Variants in AJAP1 observed in about 807,000 individuals in gnomAD.
The protein encoded by AJAP1 is adherens junction-associated protein 1.
AJAP1 carries 5 observed loss-of-function variants against 35.0 expected under a neutral mutation model. The observed-to-expected ratio is 0.14, with a 90% CI of 0.07 to 0.30. The LOEUF is 0.30. AJAP1 is among the 10% of genes least tolerant of loss of function. The pLI is 1.00. For synonymous variants in AJAP1, 284 were observed against 249.3 expected (o/e 1.14, Z -1.31); for missense variants, 586 against 571.0 (o/e 1.03, Z -0.27).
intron 1 of AJAP1, among the ~76,000 whole-genome samples, chr1:4,691,313 C>G (rs1639733233): frequency 6.6e-6 from 1 of 152,214 alleles, no homozygotes; most frequent in Non-Finnish European, 1.5e-5. Context: ...TTGGCTGGAG[C>G]TGGGCAGCCA....
chr1:4,721,859 G>A (rs1451655415), intron 2 of AJAP1, among the ~76,000 whole-genome samples: 1 of 152,212 alleles, frequency 6.6e-6, no homozygotes, highest in Non-Finnish European at 1.5e-5. Flanking sequence ...TTGATATAGT[G>A]TCCTAACTGT....
At chr1:4,701,462 C>G (rs1557615294) in intron 1 of AJAP1, among the ~76,000 whole-genome samples, 1 of 152,174 alleles carries the variant, frequency 6.6e-6, no homozygotes, top group African/African-American at 2.4e-5. Flanking sequence ...GCATGGCCTG[C>G]AAGCCTCTTT....
intron 2 of AJAP1, among the ~76,000 whole-genome samples, chr1:4,715,141 A>G (rs1476736552): frequency 6.6e-6 from 1 of 152,198 alleles, no homozygotes; most frequent in African/African-American, 2.4e-5. Flanking sequence ...CAGTCATCAG[A>G]TGCAGACCTG....
At chr1:4,676,470 G>T (rs1639365917) in intron 1 of AJAP1, among the ~76,000 whole-genome samples, 5 of 152,086 alleles carry the variant, frequency 3.3e-5, no homozygotes, top group Admixed American at 3.3e-4. Flanking sequence ...TCGTCCTGGG[G>T]GCCTGAAGCC....
intron 2 of AJAP1, among the ~76,000 whole-genome samples, chr1:4,765,858 G>A (rs1486671525): frequency 6.6e-6 from 1 of 152,148 alleles, no homozygotes; most frequent in Non-Finnish European, 1.5e-5. Context: ...GCAGGGTGAG[G>A]CCACTGCTGC....
At chr1:4,664,469 A>T (rs1639072383) in intron 1 of AJAP1, among the ~76,000 whole-genome samples, 1 of 152,176 alleles carries the variant, frequency 6.6e-6, no homozygotes, top group African/African-American at 2.4e-5. Flanking sequence ...GCCAGGTGAC[A>T]GCAGCAGCCT....
rs780915813 is a variant in AJAP1, at chr1:4,772,360, C to G, written c.998C>G (p.Thr333Arg). The G allele has an allele frequency of 6.2e-7, 1 of 1,614,228 alleles. No individual in the cohort carries two copies. Among genetic ancestry groups the G allele is most frequent in the Admixed American group, 1.7e-5 (1 of 60,034 alleles). ...NQQEESCQNL[T>R]DFPSARVPSS... ...CAGGAGGAGAGCTGCCAGAACCTCA[C>G]GGACTTCCCCTCGGCCCGGGTGCCC... The change falls in exon 4 of 6, where the codon ACG becomes AGG. Residue 333 changes from threonine (T) to arginine (R), a missense_variant. By Grantham distance (71) the Thr-to-Arg change is moderately conservative. Coordinates refer to ENST00000378191, the MANE Select transcript of AJAP1 (RefSeq NM_018836.4).
intron 1 of AJAP1, among the ~76,000 whole-genome samples, chr1:4,682,838 ATGG>A (rs1639514251): frequency 1.5e-5 from 2 of 137,586 alleles, no homozygotes; most frequent in South Asian, 4.4e-4. Flanking sequence ...GGTGTTGGTG[ATGG>A]TGATGATGGT....
chr1:4,707,831 C>T (rs1393031019), intron 1 of AJAP1, among the ~76,000 whole-genome samples: 1 of 151,878 alleles, frequency 6.6e-6, no homozygotes, highest in Admixed American at 6.6e-5. Flanking sequence ...AACTGTTTTG[C>T]CCAGAGGCAT....
intron 1 of AJAP1, among the ~76,000 whole-genome samples, chr1:4,667,779 C>T (rs551382327): frequency 4.6e-5 from 7 of 152,268 alleles, no homozygotes; most frequent in African/African-American, 1.7e-4. Context: ...GTGAAGTCAT[C>T]GTCCCACCCA....
At chr1:4,722,709 C>T (rs921051976) in intron 2 of AJAP1, among the ~76,000 whole-genome samples, 6 of 152,236 alleles carry the variant, frequency 3.9e-5, no homozygotes, top group African/African-American at 1.2e-4. Context: ...CTTGTGGCCG[C>T]ATCACTCCAG....
Position 4,658,473 on chromosome 1 carries a change from G to A in AJAP1, c.29+3019G>A, listed in dbSNP as rs149854103. Among the ~76,000 whole-genome samples the A allele has an allele frequency of 4.3e-3, 651 of 152,360 alleles. 6 individuals carry two copies. The highest frequency in any genetic ancestry group is 0.015 in the African/African-American group (623 of 41,588). Reference sequence around the variant, plus strand: ...AGCTTTAGCGGATGAAGTCAAACGCGCAGTCCACAAACATTGCGCTCCGGG... The same window carrying A: ...AGCTTTAGCGGATGAAGTCAAACGCACAGTCCACAAACATTGCGCTCCGGG... On this transcript the variant is annotated intron_variant, in intron 1 of 5. Transcript: ENST00000378191.
intron 2 of AJAP1, among the ~76,000 whole-genome samples, chr1:4,744,728 A>G (rs1570184128): frequency 6.6e-6 from 1 of 152,156 alleles, no homozygotes; most frequent in African/African-American, 2.4e-5. Context: ...CCTGGCACAC[A>G]TGCCCACATG....
At chr1:4,682,676 G>A (rs2100211666) in intron 1 of AJAP1, among the ~76,000 whole-genome samples, 1 of 152,314 alleles carries the variant, frequency 6.6e-6, no homozygotes, top group East Asian at 1.9e-4. Context: ...TGTGATGATG[G>A]TGATGATGAT....
intron 1 of AJAP1, among the ~76,000 whole-genome samples, chr1:4,688,776 A>T (rs76582855): frequency 6.7e-6 from 1 of 148,208 alleles, no homozygotes; most frequent in African/African-American, 2.6e-5. Context: ...CGTCTCAAAA[A>T]AAAAAAAAAA....
chr1:4,668,737 G>A (rs1639190670), intron 1 of AJAP1, among the ~76,000 whole-genome samples: 1 of 152,168 alleles, frequency 6.6e-6, no homozygotes, highest in South Asian at 2.1e-4. Flanking sequence ...CCTGGAGCCG[G>A]GGTCCCCTGC....
At chr1:4,708,807 G>T (rs374364028) in intron 1 of AJAP1, among the ~76,000 whole-genome samples, 4 of 151,070 alleles carry the variant, frequency 2.6e-5, no homozygotes, top group East Asian at 4.3e-4. Flanking sequence ...TATGGGAGGG[G>T]CTTTCCCCCT....
chr1:4,699,492 C>T (rs924489206), intron 1 of AJAP1, among the ~76,000 whole-genome samples: 1 of 152,146 alleles, frequency 6.6e-6, no homozygotes, highest in African/African-American at 2.4e-5. Context: ...TGGAAGCTGG[C>T]GATAACCTGA....
intron 2 of AJAP1, among the ~76,000 whole-genome samples, chr1:4,739,264 T>G (rs1641001706): frequency 6.6e-6 from 1 of 152,140 alleles, no homozygotes; most frequent in Non-Finnish European, 1.5e-5. Context: ...GCTGCAAACC[T>G]GCGTAATAAT....
Sources: allele counts gnomAD v4.1 joint callset (sites outside exome capture counted in the v4.1 genomes callset), GRCh38; gene constraint gnomAD v4.1.1; transcripts MANE v1.5; gene names NCBI Gene and HGNC (gene_info 2026-07-23, HGNC 2026-07-21).